The following RBMS3 variants were observed in gnomAD, a reference collection of about 807,000 sequenced individuals.
The protein encoded by RBMS3 is RNA binding motif single stranded interacting protein 3.
In RBMS3, 27 loss-of-function variants were observed where a neutral mutation model predicts 66.8. The observed-to-expected ratio is 0.40, with a 90% CI of 0.30 to 0.56. The LOEUF (loss-of-function observed/expected upper bound fraction) is 0.56, where lower values mean the gene tolerates loss of function less well. Ranked by LOEUF, RBMS3 falls within the 20% of genes least tolerant of loss-of-function variation. RBMS3 has a pLI of 0.40. For missense variants in RBMS3, 513 were observed against 549.5 expected, an observed-to-expected ratio of 0.93 and a Z score of 0.66; for synonymous variants, 188 against 183.0, an observed-to-expected ratio of 1.03 and a Z score of -0.22.
chr3:29,667,254 G>A (rs1169690516), intron 4 of RBMS3, among the ~76,000 whole-genome samples: 2 of 152,100 alleles, frequency 1.3e-5, no homozygotes, highest in African/African-American at 4.8e-5. Flanking sequence ...GACATAGATT[G>A]GAAAATATCC....
chr3:29,966,798 T>TAA (rs2149749588), intron 12 of RBMS3, among the ~76,000 whole-genome samples: 1 of 152,320 alleles, frequency 6.6e-6, no homozygotes, highest in East Asian at 1.9e-4. Context: ...TTTCAGCTTT[T>TAA]CCCCATTCAG....
intron 14 of RBMS3, among the ~76,000 whole-genome samples, chr3:30,003,293 A>T (rs1559882240): frequency 6.6e-6 from 1 of 151,882 alleles, no homozygotes; most frequent in Non-Finnish European, 1.5e-5. Flanking sequence ...TGTATATACC[A>T]CTCTGCCTAA....
chr3:29,906,955 C>T (rs2060395646), intron 10 of RBMS3, among the ~76,000 whole-genome samples: 1 of 152,034 alleles, frequency 6.6e-6, no homozygotes. Flanking sequence ...TTCCATTTTT[C>T]CCAGTTGAGA....
intron 2 of RBMS3, among the ~76,000 whole-genome samples, chr3:29,447,673 C>T (rs1385805025): frequency 6.6e-6 from 1 of 152,194 alleles, no homozygotes; most frequent in Non-Finnish European, 1.5e-5. Flanking sequence ...ATTATGAGAA[C>T]TTACCCAATA....
chr3:29,769,148 G>A (rs1028070926), intron 6 of RBMS3, among the ~76,000 whole-genome samples: 6 of 151,758 alleles, frequency 4.0e-5, no homozygotes, highest in African/African-American at 1.5e-4. Flanking sequence ...GTAGTAGTCA[G>A]GTAGCAAGCC....
Position 29,544,976 on chromosome 3 carries a change from C to G in RBMS3, c.308-42138C>G, listed in dbSNP as rs35505623. ...TTATGTAAGTTCCTAGCCTTTGACA[C>G]AGCAATCTCACTTCTAGTAACTTAT... On this transcript the variant is annotated intron_variant, in intron 3 of 14. Coordinates refer to ENST00000383767, the MANE Select transcript of RBMS3 (RefSeq NM_001003793.3). Among the ~76,000 whole-genome samples the G allele has an allele frequency of 9.8e-3, 1,498 of 152,208 alleles. 11 individuals carry two copies. The highest frequency in any genetic ancestry group is 0.015 in the Non-Finnish European group (1,051 of 67,982).
At chr3:29,506,680 G>C (rs2044193446) in intron 3 of RBMS3, among the ~76,000 whole-genome samples, 1 of 151,818 alleles carries the variant, frequency 6.6e-6, no homozygotes, top group Non-Finnish European at 1.5e-5. Flanking sequence ...TTAAATGTTT[G>C]TTAACAGTGA....
At chr3:29,420,735 A>T (rs1037387361) in intron 1 of RBMS3, among the ~76,000 whole-genome samples, 6 of 152,120 alleles carry the variant, frequency 3.9e-5, no homozygotes, top group Middle Eastern at 3.4e-3. Context: ...TAGAGCAAGC[A>T]CTGAGGCTTC....
At chr3:29,328,275 C>T (rs1032856105) in intron 1 of RBMS3, among the ~76,000 whole-genome samples, 15 of 152,066 alleles carry the variant, frequency 9.9e-5, no homozygotes, top group Non-Finnish European at 1.2e-4. Flanking sequence ...GTGAGCATGA[C>T]TTTAAATACT....
chr3:29,619,591 C>T (rs538216877), intron 4 of RBMS3, among the ~76,000 whole-genome samples: 1 of 152,306 alleles, frequency 6.6e-6, no homozygotes, highest in South Asian at 2.1e-4. Context: ...TTGGAATAAT[C>T]TCTTATCTCA....
chr3:29,587,322 A>C (rs1294917772), intron 4 of RBMS3, 117 bp downstream of exon 4: 2 of 588,946 alleles, frequency 3.4e-6, no homozygotes, highest in African/African-American at 4.2e-5. Flanking sequence ...AGGAGAGATT[A>C]AATATTTCTC....
At chr3:29,504,176 A>C (rs1004914159) in intron 3 of RBMS3, among the ~76,000 whole-genome samples, 4 of 152,066 alleles carry the variant, frequency 2.6e-5, no homozygotes, top group African/African-American at 9.7e-5. Flanking sequence ...TCTGGGACTG[A>C]TGTTTTGCCC....
chr3:29,943,331 G>A (rs1379192284), intron 11 of RBMS3, among the ~76,000 whole-genome samples: 4 of 151,824 alleles, frequency 2.6e-5, no homozygotes, highest in Non-Finnish European at 5.9e-5. Flanking sequence ...CCCTCCAAGG[G>A]GAGTGGGGAC....
chr3:29,766,708 A>T (rs1194667051), intron 6 of RBMS3: 4 of 151,970 alleles, frequency 2.6e-5, no homozygotes, highest in Non-Finnish European at 5.9e-5. Context: ...TGTTATCCCC[A>T]GATTTTGGTT....
At chr3:29,646,486 A>G (rs1161955859) in intron 4 of RBMS3, among the ~76,000 whole-genome samples, 3 of 152,064 alleles carry the variant, frequency 2.0e-5, no homozygotes, top group Admixed American at 6.5e-5. Flanking sequence ...TTAATTCTTT[A>G]AAAGGAACAG....
chr3:29,548,474 G>A (rs2046058589), intron 3 of RBMS3, among the ~76,000 whole-genome samples: 1 of 151,200 alleles, frequency 6.6e-6, no homozygotes, highest in South Asian at 2.1e-4. Context: ...CGTTAATGAA[G>A]GATGTAAGTA....
At chr3:29,627,878 T>C (rs1325145539) in intron 4 of RBMS3, among the ~76,000 whole-genome samples, 1 of 152,086 alleles carries the variant, frequency 6.6e-6, no homozygotes. Context: ...TTATGTATCT[T>C]TCAGGTCCCT....
chr3:29,362,155 T>C (rs1194557951), intron 1 of RBMS3, among the ~76,000 whole-genome samples: 1 of 152,242 alleles, frequency 6.6e-6, no homozygotes, highest in Non-Finnish European at 1.5e-5. Flanking sequence ...TTTTCTGTTC[T>C]GTTTTTTCCC....
chr3:29,969,299 T>C (rs1697070353), intron 12 of RBMS3, among the ~76,000 whole-genome samples: 1 of 152,188 alleles, frequency 6.6e-6, no homozygotes, highest in African/African-American at 2.4e-5. Context: ...CTTGCTTAAT[T>C]TACCCTTCTA....
Sources: allele counts gnomAD v4.1 joint callset (sites outside exome capture counted in the v4.1 genomes callset), GRCh38; gene constraint gnomAD v4.1.1; transcripts MANE v1.5; gene names NCBI Gene and HGNC (gene_info 2026-07-23, HGNC 2026-07-21).